The following TRHDE variants were observed in gnomAD, a reference collection of about 807,000 sequenced individuals.
The protein encoded by TRHDE is thyrotropin-releasing hormone-degrading ectoenzyme.
A neutral mutation model predicts 125.7 loss-of-function variants in TRHDE; 72 were observed. The observed-to-expected ratio is 0.57, with a 90% confidence interval of 0.47 to 0.70. The LOEUF is 0.70. Among genes scored for constraint, TRHDE ranks in the 30% least tolerant of loss-of-function variants. The probability of loss-of-function intolerance (pLI) is 0.00; values close to 1 mark genes in which losing one functional copy is unlikely to be tolerated. For synonymous variants in TRHDE, 509 were observed against 509.1 expected (o/e 1.00, Z 0.00); for missense variants, 1,110 against 1,327.1 (o/e 0.84, Z 2.54).
At chr12:72,327,071 T>A (rs1869374105) in intron 2 of TRHDE, among the ~76,000 whole-genome samples, 1 of 152,092 alleles carries the variant, frequency 6.6e-6, no homozygotes, top group African/African-American at 2.4e-5. Flanking sequence ...CAGGTTTTGA[T>A]CTTTTTTTTT....
At chr12:72,479,930 G>A (rs568361823) in intron 5 of TRHDE, among the ~76,000 whole-genome samples, 2 of 151,366 alleles carry the variant, frequency 1.3e-5, no homozygotes, top group South Asian at 2.1e-4. Flanking sequence ...TTTTGTCCTT[G>A]CAGTAGTTTA....
chr12:72,291,026 T>G (rs982751962), intron 2 of TRHDE, among the ~76,000 whole-genome samples: 2 of 152,240 alleles, frequency 1.3e-5, no homozygotes, highest in East Asian at 3.8e-4. Flanking sequence ...GTCGGCTCTC[T>G]GCCTGCAGAC....
In TRHDE at chr12:72,621,636, A is replaced by G. The variant is rs751974349; in HGVS notation, c.2568-8A>G. 5.5e-5 allele frequency: 87 copies of G among 1,585,386 alleles called. No individual in the cohort carries two copies. Among genetic ancestry groups the G allele is most frequent in the Non-Finnish European group, 7.0e-5 (82 of 1,163,868 alleles). ...TTTTTAATTTGTTTCCCTTTTGATG[A>G]TATCTAGAGAACTACGTAGAGAAGT... On this transcript the variant is annotated splice_polypyrimidine_tract_variant and splice_region_variant and intron_variant, in intron 14 of 18. Coordinates refer to ENST00000261180, the MANE Select transcript of TRHDE (RefSeq NM_013381.3).
rs548895630 is a variant in TRHDE at position 72,273,672 on chromosome 12, G to C, written c.914+115G>C. 2.8e-5 allele frequency: 29 copies of C among 1,040,150 alleles called. No individual in the cohort carries two copies. The highest frequency in any genetic ancestry group is 3.5e-5 in the Non-Finnish European group (25 of 717,394). The allele number at this position is 1,040,150 out of a possible 1,614,324, so 64.4% of individuals were successfully genotyped here. A position where few individuals can be genotyped will look rare whatever the true frequency, so the allele number is the denominator to read the frequency against. ...TTCCAATACCCGGGAAGCCAGGGGTGGGGGGAAGGAAACGAAAGCGGAGTA... is the reference window on the plus strand; with the variant it reads ...TTCCAATACCCGGGAAGCCAGGGGTCGGGGGAAGGAAACGAAAGCGGAGTA... On this transcript the variant is annotated intron_variant, in intron 1 of 18. Coordinates refer to ENST00000261180, the MANE Select transcript of TRHDE (RefSeq NM_013381.3). The surrounding 1 kb of genome is among the most constrained non-coding windows in gnomAD (Gnocchi z 5.3).
chr12:72,657,777 G>A (rs1385507230), intron 18 of TRHDE, among the ~76,000 whole-genome samples: 1 of 152,088 alleles, frequency 6.6e-6, no homozygotes, highest in Non-Finnish European at 1.5e-5. Context: ...TAAGGATGAA[G>A]GAAAAATAAG....
intron 2 of TRHDE, among the ~76,000 whole-genome samples, chr12:72,201,141 A>G (rs1202979672): frequency 6.6e-6 from 1 of 152,188 alleles, no homozygotes; most frequent in Non-Finnish European, 1.5e-5. Flanking sequence ...CTAGGGAAGA[A>G]TGGAAAGAGA....
chr12:72,500,857 T>C (rs1463988175), intron 6 of TRHDE, among the ~76,000 whole-genome samples: 2 of 148,934 alleles, frequency 1.3e-5, no homozygotes, highest in Admixed American at 1.3e-4. Context: ...TTCTTTTTTT[T>C]TTTTTTTTTT....
At chr12:72,154,495 G>T (rs1412498693) in intron 2 of TRHDE, among the ~76,000 whole-genome samples, 1 of 152,170 alleles carries the variant, frequency 6.6e-6, no homozygotes, top group Non-Finnish European at 1.5e-5. Context: ...AGCCTCGATG[G>T]TCTTTACAAT....
intron 6 of TRHDE, among the ~76,000 whole-genome samples, chr12:72,507,043 C>A (rs979513512): frequency 1.3e-5 from 2 of 152,126 alleles, no homozygotes; most frequent in African/African-American, 4.8e-5. Flanking sequence ...TCCTCTTGCT[C>A]AAGCCTTGTA....
At chr12:72,088,178 C>T (rs1366778535) in intron 1 of TRHDE, among the ~76,000 whole-genome samples, 4 of 152,076 alleles carry the variant, frequency 2.6e-5, no homozygotes, top group Admixed American at 2.6e-4. Context: ...GTTGGATAGT[C>T]ATCCACATAG....
chr12:72,340,856 T>G (rs1870052172), intron 2 of TRHDE, among the ~76,000 whole-genome samples: 2 of 152,134 alleles, frequency 1.3e-5, no homozygotes, highest in East Asian at 3.9e-4. Flanking sequence ...CATATGAAGT[T>G]AAAAATAGGA....
At chr12:72,647,621 AG>A (rs985324564) in intron 15 of TRHDE, among the ~76,000 whole-genome samples, 4 of 152,104 alleles carry the variant, frequency 2.6e-5, no homozygotes, top group Non-Finnish European at 5.9e-5. Context: ...AGACATAAAG[AG>A]GATCAAAAGA....
intron 15 of TRHDE, among the ~76,000 whole-genome samples, chr12:72,632,130 G>T (rs1873522955): frequency 6.6e-6 from 1 of 152,078 alleles, no homozygotes; most frequent in South Asian, 2.1e-4. Flanking sequence ...TCAGACCTGG[G>T]TCGTGATTTG....
chr12:72,487,180 A>G (rs143395774), intron 5 of TRHDE, among the ~76,000 whole-genome samples: 1 of 152,284 alleles, frequency 6.6e-6, no homozygotes, highest in East Asian at 1.9e-4. Context: ...TATTCATATT[A>G]TGCAATTTTC....
At chr12:72,539,248 T>G (rs947180076) in intron 6 of TRHDE, among the ~76,000 whole-genome samples, 3 of 151,944 alleles carry the variant, frequency 2.0e-5, no homozygotes, top group Non-Finnish European at 4.4e-5. Flanking sequence ...ATCTCACTTA[T>G]GAGATTTTGA....
chr12:72,366,493 C>A lies in TRHDE; in HGVS notation c.1189-11502C>A, dbSNP rs180886946. On this transcript the variant is annotated intron_variant, in intron 2 of 18. Transcript: ENST00000261180. ...TTTTAGTACTAGAGTGGACAAGTACCTTCAAAGTTTATTGCCATTTTATGG... is the reference window on the plus strand; with the variant it reads ...TTTTAGTACTAGAGTGGACAAGTACATTCAAAGTTTATTGCCATTTTATGG... Among the ~76,000 whole-genome samples, 7 of 152,158 alleles carry A rather than the reference C, an allele frequency of 4.6e-5. No homozygotes were observed. The East Asian group carries it at 1.4e-3, about 29-fold the overall frequency.
At chr12:72,397,454 G>A (rs570836060) in intron 3 of TRHDE, among the ~76,000 whole-genome samples, 5 of 152,168 alleles carry the variant, frequency 3.3e-5, no homozygotes, top group African/African-American at 1.2e-4. Context: ...CACGCTACAT[G>A]AGTATCTTCC....
chr12:72,403,853 G>A (rs1873149017), intron 3 of TRHDE, among the ~76,000 whole-genome samples: 1 of 152,152 alleles, frequency 6.6e-6, no homozygotes, highest in African/African-American at 2.4e-5. Flanking sequence ...AGATTATGGG[G>A]GCTCAGAGTG....
At chr12:72,369,395 T>C (rs1478407721) in intron 2 of TRHDE, among the ~76,000 whole-genome samples, 1 of 152,086 alleles carries the variant, frequency 6.6e-6, no homozygotes, top group Non-Finnish European at 1.5e-5. Context: ...CAAAGAAGAA[T>C]ACACAGGAGT....
Sources: gnomAD v4.1 joint callset for allele counts (sites outside exome capture counted in the v4.1 genomes callset) on GRCh38, gnomAD v4.1.1 for gene constraint, Gnocchi (gnomAD v3.1) non-coding constraint, MANE v1.5 for transcripts, NCBI Gene and HGNC (gene_info 2026-07-23, HGNC 2026-07-21) for gene names.